Variants in MYO5B observed in about 807,000 individuals in gnomAD.
MYO5B encodes the protein myosin VB.
Under a neutral mutation model 229.3 loss-of-function variants are expected in MYO5B, and 143 were observed. That is an observed-to-expected ratio of 0.62 (90% CI 0.54 to 0.72). The LOEUF is 0.72. MYO5B is among the 30% of genes least tolerant of loss of function. The pLI, the probability that MYO5B is intolerant of heterozygous loss-of-function variation, is 0.00. For synonymous variants in MYO5B, 918 were observed against 885.2 expected (o/e 1.04, Z -0.66); for missense variants, 2,321 against 2,331.0 (o/e 1.00, Z 0.09).
intron 1 of MYO5B, among the ~76,000 whole-genome samples, chr18:50,113,465 G>A (rs2031903623): frequency 6.6e-6 from 1 of 152,212 alleles, no homozygotes; most frequent in African/African-American, 2.4e-5. Context: ...GAACGTTAGA[G>A]AAAACACATT....
At chr18:49,979,194 C>T (rs1289646322) in intron 9 of MYO5B, among the ~76,000 whole-genome samples, 1 of 152,172 alleles carries the variant, frequency 6.6e-6, no homozygotes, top group East Asian at 1.9e-4. Flanking sequence ...CTGTACCATG[C>T]CCTCCTTCCC....
At chr18:49,999,220 G>T (rs902379465) in intron 5 of MYO5B, among the ~76,000 whole-genome samples, 3 of 152,182 alleles carry the variant, frequency 2.0e-5, no homozygotes, top group Non-Finnish European at 4.4e-5. Context: ...ATATCTTACT[G>T]CCTAAAAGAT....
At chr18:50,075,685 G>C (rs1177710162) in intron 1 of MYO5B, among the ~76,000 whole-genome samples, 1 of 152,186 alleles carries the variant, frequency 6.6e-6, no homozygotes, top group Non-Finnish European at 1.5e-5. Flanking sequence ...TCAAAGAAGT[G>C]GATGCCAAAA....
At chr18:50,050,198 T>C (rs780566369) in intron 2 of MYO5B, among the ~76,000 whole-genome samples, 2 of 152,170 alleles carry the variant, frequency 1.3e-5, no homozygotes, top group Non-Finnish European at 2.9e-5. Flanking sequence ...AATGGCCAGC[T>C]AAAAGAAGAA....
chr18:49,843,212 A>C, intron 34 of MYO5B, 29 bp downstream of exon 34: 1 of 1,612,794 alleles, frequency 6.2e-7, no homozygotes, highest in Non-Finnish European at 8.5e-7. Context: ...ACCCACCACA[A>C]ACCATGACCT....
intron 26 of MYO5B, among the ~76,000 whole-genome samples, chr18:49,873,324 G>A (rs1383116720): frequency 2.8e-4 from 42 of 152,198 alleles, no homozygotes; most frequent in Admixed American, 2.7e-3. Flanking sequence ...AGGTAAAAAT[G>A]GACAGATCAC....
At chr18:50,105,108 A>C (rs1400003798) in intron 1 of MYO5B, among the ~76,000 whole-genome samples, 1 of 152,010 alleles carries the variant, frequency 6.6e-6, no homozygotes, top group African/African-American at 2.4e-5. Flanking sequence ...AAAGGAAACC[A>C]AGGTAGGAAT....
rs11306054 is a variant in MYO5B at position 49,921,256 on chromosome 18, GTTTTT to G, written c.2090+8251_2090+8255del. On this transcript the variant is annotated intron_variant, in intron 17 of 39. Coordinates refer to ENST00000285039, the MANE Select transcript of MYO5B (RefSeq NM_001080467.3). The stretch of plus-strand genomic sequence containing the variant: ...GGAGGAGAACTCAAGTTCAAGCAGA[GTTTTT>G]TTTTTTTTTTTTTTTTTATAATATC... 4.6e-3 allele frequency among the ~76,000 whole-genome samples: 561 copies of G among 121,852 alleles called. 4 individuals carry two copies. The highest frequency in any genetic ancestry group is 0.015 in the African/African-American group (522 of 33,708). The allele number at this position is 121,852 out of a possible 152,430, so 79.9% of individuals were successfully genotyped here. A position where few individuals can be genotyped will look rare whatever the true frequency, so the allele number is the denominator to read the frequency against.
intron 2 of MYO5B, among the ~76,000 whole-genome samples, chr18:50,043,395 A>C (rs1476907791): frequency 1.8e-5 from 1 of 56,362 alleles, no homozygotes; most frequent in African/African-American, 5.3e-5. Context: ...AAATATATTT[A>C]AATATATTAA....
At chr18:50,029,141 AG>A (rs2144370242) in intron 4 of MYO5B, among the ~76,000 whole-genome samples, 1 of 152,356 alleles carries the variant, frequency 6.6e-6, no homozygotes, top group South Asian at 2.1e-4. Flanking sequence ...TGAATATGAT[AG>A]GTAGACACAA....
At chr18:50,016,866 C>T (rs1429973532) in intron 4 of MYO5B, among the ~76,000 whole-genome samples, 1 of 150,724 alleles carries the variant, frequency 6.6e-6, no homozygotes, top group East Asian at 2.0e-4. Context: ...TACCCCTATA[C>T]CAAATCTGTC....
At chr18:50,128,610 C>G (rs1013036216) in intron 1 of MYO5B, among the ~76,000 whole-genome samples, 2 of 152,198 alleles carry the variant, frequency 1.3e-5, no homozygotes, top group Admixed American at 6.5e-5. Context: ...GACTCTCACA[C>G]TCCCTTGGAT....
At chr18:49,934,014 T>C (rs1229773359) in intron 16 of MYO5B, among the ~76,000 whole-genome samples, 1 of 152,156 alleles carries the variant, frequency 6.6e-6, no homozygotes, top group Non-Finnish European at 1.5e-5. Context: ...TAGCTGGGAC[T>C]ATAGGCATGC....
chr18:49,847,147 T>G lies in MYO5B; in HGVS notation c.4458A>C (p.Thr1486=). The change falls in exon 33 of 40, where the codon ACA becomes ACC. Residue 1486 remains threonine, a splice_region_variant and synonymous_variant. Transcript: ENST00000285039. ...TAGGGTGGCACAGAGGGTCCTTACC[T>G]GTCACCAGGTTCCGGATGAGGAGGG... The part of the protein sequence containing the change: ...DEALLIRNLV[T]DLKPQMLSGT... 1 of 1,614,096 alleles carries G rather than the reference T, an allele frequency of 6.2e-7. No individual in the cohort carries two copies. The highest frequency in any genetic ancestry group is 8.5e-7 in the Non-Finnish European group (1 of 1,180,022).
At chr18:49,836,574 C>T (rs1167973104) in intron 38 of MYO5B, 137 bp downstream of exon 38, 5 of 1,014,558 alleles carry the variant, frequency 4.9e-6, no homozygotes, top group Admixed American at 2.0e-5. Flanking sequence ...ATCAGCTGCA[C>T]TTCAAAATTG....
intron 23 of MYO5B, chr18:49,879,467 G>C (rs1452737150): frequency 6.7e-6 from 2 of 299,380 alleles, no homozygotes; most frequent in African/African-American, 4.3e-5. Context: ...TCAGTTCTTA[G>C]GAGTGCAGGG....
chr18:50,104,342 T>C (rs1014187670), intron 1 of MYO5B, among the ~76,000 whole-genome samples: 6 of 149,982 alleles, frequency 4.0e-5, no homozygotes, highest in Non-Finnish European at 7.4e-5. Flanking sequence ...ATTCTTTGAA[T>C]AAAAATTCAA....
rs114221227 is a variant in MYO5B at position 49,902,673 on chromosome 18, C to A, written c.2732G>T (p.Arg911Leu). The change falls in exon 21 of 40, where the codon CGC becomes CTC. Residue 911 changes from arginine (R) to leucine (L), a missense_variant. Coordinates refer to ENST00000285039, the MANE Select transcript of MYO5B (RefSeq NM_001080467.3). ...GAGACGTTTCAGATGCTCTGCTGAG[C>A]GGGCCTCAATCCTGAGGGCCTTCAG... ...RELKALRIEA[R>L]SAEHLKRLNV... is the part of the protein sequence containing the mutation. The A allele has an allele frequency of 1.2e-3, 1,970 of 1,613,084 alleles. 20 individuals carry two copies. The African/African-American group carries it at 0.023, about 18-fold the overall frequency.
intron 1 of MYO5B, among the ~76,000 whole-genome samples, chr18:50,152,992 A>C (rs1446084724): frequency 1.3e-5 from 2 of 152,150 alleles, no homozygotes; most frequent in Non-Finnish European, 2.9e-5. Context: ...CCTTGTGAAA[A>C]ATGCAGGAAA....
Sources: allele counts gnomAD v4.1 joint callset (sites outside exome capture counted in the v4.1 genomes callset), GRCh38; gene constraint gnomAD v4.1.1; transcripts MANE v1.5; gene names NCBI Gene and HGNC (gene_info 2026-07-23, HGNC 2026-07-21).